MICAL3: variants seen among roughly 807,000 people sequenced by gnomAD.
MICAL3 encodes [F-actin]-monooxygenase MICAL3.
In MICAL3, 62 loss-of-function variants were observed where a neutral mutation model predicts 207.4. The observed-to-expected ratio is 0.30, with a 90% CI of 0.24 to 0.37. The LOEUF (loss-of-function observed/expected upper bound fraction) is 0.37, where lower values mean the gene tolerates loss of function less well. MICAL3 is among the 10% of genes least tolerant of loss of function. MICAL3 has a pLI of 1.00. For missense variants in MICAL3, 2,368 were observed against 2,635.6 expected, an observed-to-expected ratio of 0.90 and a Z score of 2.22; for synonymous variants, 1,077 against 1,069.3, an observed-to-expected ratio of 1.01 and a Z score of -0.14.
intron 1 of MICAL3, among the ~76,000 whole-genome samples, chr22:17,969,360 T>C (rs2146406033): frequency 6.6e-6 from 1 of 152,352 alleles, no homozygotes; most frequent in African/African-American, 2.4e-5. Context: ...CTTGTAGAAA[T>C]ACATGTGCTT....
In MICAL3 at chr22:17,900,586, A is replaced by T. The variant is rs1337597282; in HGVS notation, c.847+256T>A. On this transcript the variant is annotated intron_variant, in intron 6 of 31. Transcript: ENST00000441493. This position sits in a 1 kb window ranked among gnomAD's most constrained non-coding sequence, Gnocchi z 4.0. ...CACTGAACTCCAGCCTGGGCAACAG[A>T]GCGAGACCTTGTCTCAAACAAAAAA... 6.6e-6 allele frequency among the ~76,000 whole-genome samples: 1 copy of T among 152,204 alleles called. No homozygotes were observed. The highest frequency in any genetic ancestry group is 1.5e-5 in the Non-Finnish European group (1 of 68,036).
chr22:17,976,401 T>C (rs886743471), intron 1 of MICAL3, among the ~76,000 whole-genome samples: 3 of 151,996 alleles, frequency 2.0e-5, no homozygotes, highest in African/African-American at 7.2e-5. Flanking sequence ...TCAGTACACT[T>C]GTATCCAACC....
Position 17,803,402 on chromosome 22 carries a change from G to T in MICAL3, c.5650+5442C>A, listed in dbSNP as rs146706053. Among the ~76,000 whole-genome samples, 1,090 of 152,166 alleles carry T rather than the reference G, an allele frequency of 7.2e-3. 17 individuals are homozygous for T. Among genetic ancestry groups the T allele is most frequent in the African/African-American group, 0.025 (1,046 of 41,494 alleles). ...GTGAAAATGGTCGGGCTGAGATCTT[G>T]GCATGTTTGCTTCTTTGCGTAAGTG... On this transcript the variant is annotated intron_variant, in intron 29 of 31. Transcript: ENST00000441493.
At chr22:17,861,929 T>C (rs1926562737) in intron 19 of MICAL3, 1 of 985,260 alleles carries the variant, frequency 1.0e-6, no homozygotes, top group Non-Finnish European at 1.2e-6. Flanking sequence ...GTGGGTGTGT[T>C]TTTTTGTTTT....
In MICAL3 at chr22:17,818,137, C is replaced by A. The variant is rs1399949047; in HGVS notation, c.4524G>T (p.Glu1508Asp). Residue 1508 changes from glutamate to aspartate, a missense_variant, in exon 26 of 32, where the codon GAG becomes GAT. Physicochemically the swap from Glu to Asp is conservative, Grantham distance 45. Coordinates refer to ENST00000441493, the MANE Select transcript of MICAL3 (RefSeq NM_015241.3). ...CGCTCTCCACAAACGACTTCCGCAC[C>A]TCCTCTCTGGGGGGCTGAGCAGGCT... ...PREPAQPPRE[E>D]VRKSFVESVE... is the part of the protein sequence containing the mutation. The A allele has an allele frequency of 6.2e-7, 1 of 1,608,868 alleles. No homozygotes were observed. The highest frequency in any genetic ancestry group is 8.5e-7 in the Non-Finnish European group (1 of 1,178,176).
At chr22:17,848,555 C>T (rs1924883222) in intron 19 of MICAL3, among the ~76,000 whole-genome samples, 1 of 152,304 alleles carries the variant, frequency 6.6e-6, no homozygotes, top group Admixed American at 6.5e-5. Flanking sequence ...TCCTATCTTG[C>T]TTTGAGCTAA....
intron 28 of MICAL3, among the ~76,000 whole-genome samples, chr22:17,809,168 T>G (rs1215691373): frequency 1.3e-5 from 2 of 152,206 alleles, no homozygotes; most frequent in Admixed American, 1.3e-4. Context: ...CGCGTGGACG[T>G]GACTCAAGTA....
At chr22:17,838,955 C>CTTTTTTTTT (rs869097812) in intron 20 of MICAL3, among the ~76,000 whole-genome samples, 5 of 88,436 alleles carry the variant, frequency 5.7e-5, no homozygotes, top group South Asian at 4.0e-4. Flanking sequence ...CCCCTAGATG[C>CTTTTTTTTT]TTTTTTTTTT....
intron 19 of MICAL3, among the ~76,000 whole-genome samples, chr22:17,845,594 A>G (rs1319343869): frequency 6.6e-6 from 1 of 152,030 alleles, no homozygotes; most frequent in East Asian, 1.9e-4. Context: ...AAAAAAAAAC[A>G]TTCTGTGAGG....
At chr22:17,971,707 T>C (rs941427934) in intron 1 of MICAL3, among the ~76,000 whole-genome samples, 1 of 152,202 alleles carries the variant, frequency 6.6e-6, no homozygotes, top group African/African-American at 2.4e-5. Flanking sequence ...CGTCAATATA[T>C]AGATACATCC....
At chr22:17,819,622 C>G (rs1324418738) in intron 25 of MICAL3, among the ~76,000 whole-genome samples, 1 of 152,116 alleles carries the variant, frequency 6.6e-6, no homozygotes, top group Non-Finnish European at 1.5e-5. Context: ...TCACCCCATC[C>G]AAGAGCCTCA....
intron 1 of MICAL3, among the ~76,000 whole-genome samples, chr22:18,021,810 G>T (rs1008888649): frequency 6.6e-6 from 1 of 152,164 alleles, no homozygotes; most frequent in Non-Finnish European, 1.5e-5. Context: ...TGTCCACATT[G>T]GGTGGGTTGT....
At chr22:17,894,917 T>C (rs951964027) in intron 10 of MICAL3, among the ~76,000 whole-genome samples, 6 of 152,060 alleles carry the variant, frequency 3.9e-5, no homozygotes, top group Non-Finnish European at 5.9e-5. Flanking sequence ...GGTAAAGAAA[T>C]TGAGGTTCAG....
chr22:17,857,450 G>A (rs577278993), intron 19 of MICAL3, among the ~76,000 whole-genome samples: 3 of 152,348 alleles, frequency 2.0e-5, no homozygotes, highest in Non-Finnish European at 4.4e-5. Context: ...TGTCTTCCAC[G>A]AAACCAGACC....
At position 18,012,474 on chromosome 22, in the gene MICAL3, A is replaced by G. The variant is rs571852537; in HGVS notation, c.-75+11807T>C. Among the ~76,000 whole-genome samples, 26 of 152,212 alleles carry G rather than the reference A, an allele frequency of 1.7e-4. No homozygotes were observed. In the South Asian group the frequency reaches 5.4e-3, roughly 32 times the overall value. On this transcript the variant is annotated intron_variant, in intron 1 of 31. Transcript: ENST00000441493. ...GCCAGACAGTGCTGAGACCAAGGCG[A>G]TAGTGGTGGGCGGGGGGCCTGAAGT...
rs201337842 is a variant in MICAL3, at chr22:17,810,767, C to T, written c.5492G>A (p.Arg1831His). 98 of 1,613,992 alleles carry T rather than the reference C, an allele frequency of 6.1e-5. No individual in the cohort carries two copies. The highest frequency in any genetic ancestry group is 5.7e-4 in the Admixed American group (34 of 60,024). ...CTGTCTCCGAGCTGCCTTTTGCACA[C>T]GCCGGGTCAGCTTGGCATTCAGTTC... ...EEELNAKLTR[R>H]VQKAARRQAK... Residue 1831 changes from arginine to histidine, a missense_variant, in exon 28 of 32, where the codon CGT (arginine) becomes CAT (histidine). This residue lies in a region of MICAL3 where 1,770 missense variants were observed against 1,863.2 expected (regional missense o/e 0.95). Coordinates refer to ENST00000441493, the MANE Select transcript of MICAL3 (RefSeq NM_015241.3).
chr22:17,954,131 C>T (rs1015369613), intron 1 of MICAL3, among the ~76,000 whole-genome samples: 2 of 151,956 alleles, frequency 1.3e-5, no homozygotes, highest in East Asian at 1.9e-4. Flanking sequence ...AGAGGTTCCA[C>T]GAGTATAGAA....
At chr22:17,864,183 T>C (rs1926815174) in intron 19 of MICAL3, 2 of 990,530 alleles carry the variant, frequency 2.0e-6, no homozygotes, top group South Asian at 9.3e-5. Flanking sequence ...TGTCATGCTA[T>C]GACAAGAATA....
At chr22:17,835,271 G>A (rs1477461670) in intron 20 of MICAL3, among the ~76,000 whole-genome samples, 1 of 150,978 alleles carries the variant, frequency 6.6e-6, no homozygotes, top group Non-Finnish European at 1.5e-5. Context: ...ACAGAAGACA[G>A]CAGAAAGCAA....
Sources: allele counts gnomAD v4.1 joint callset (sites outside exome capture counted in the v4.1 genomes callset), GRCh38; gene constraint gnomAD v4.1.1; regional missense constraint gnomAD v4.1.1; non-coding constraint Gnocchi (gnomAD v3.1); transcripts MANE v1.5; gene names NCBI Gene and HGNC (gene_info 2026-07-23, HGNC 2026-07-21).